ATRNL1: variants seen among roughly 807,000 people sequenced by gnomAD.
ATRNL1 encodes attractin-like protein 1.
Under a neutral mutation model 182.7 loss-of-function variants are expected in ATRNL1, and 95 were observed. That is an observed-to-expected ratio of 0.52 (90% confidence interval 0.44 to 0.62). The LOEUF (loss-of-function observed/expected upper bound fraction) is 0.62. Ranked by LOEUF, ATRNL1 falls within the 20% of genes least tolerant of loss-of-function variation. The pLI is 0.00. For synonymous variants in ATRNL1, 576 were observed against 568.3 expected, an observed-to-expected ratio of 1.01 and a Z score of -0.19; for missense variants, 1,471 against 1,679.5, an observed-to-expected ratio of 0.88 and a Z score of 2.17.
At chr10:115,207,111 C>T (rs1027357576) in intron 8 of ATRNL1, among the ~76,000 whole-genome samples, 1 of 152,120 alleles carries the variant, frequency 6.6e-6, no homozygotes, top group Admixed American at 6.6e-5. Context: ...GGGTTTGTTC[C>T]GAGTCTTTGC....
chr10:115,670,590 GA>G (rs1555041073), intron 26 of ATRNL1, among the ~76,000 whole-genome samples: 2 of 152,098 alleles, frequency 1.3e-5, no homozygotes, highest in Non-Finnish European at 2.9e-5. Context: ...CTTAACTACT[GA>G]GCAAGTAGTC....
intron 19 of ATRNL1, among the ~76,000 whole-genome samples, chr10:115,389,540 G>GTA (rs58155967): frequency 0.011 from 481 of 44,404 alleles, 69 homozygotes; most frequent in Non-Finnish European, 0.016. Flanking sequence ...ATGTGTATGT[G>GTA]TATATATATA....
chr10:115,093,827 G>A lies in ATRNL1; in HGVS notation c.77G>A (p.Gly26Asp). Residue 26 changes from glycine to aspartate, a missense_variant, in exon 1 of 29, where the codon GGC becomes GAC. Physicochemically the swap from Gly to Asp is moderately conservative, Grantham distance 94. Around this residue, in one of 3 missense-constraint regions of ATRNL1, gnomAD observed 1,031 missense variants for 1,156.0 expected, o/e 0.89. Coordinates refer to ENST00000355044, the MANE Select transcript of ATRNL1 (RefSeq NM_207303.4). The surrounding 1 kb of genome is among the most constrained non-coding windows in gnomAD (Gnocchi z 6.1). The stretch of plus-strand genomic sequence containing the variant: ...GGGGTGTGGAGGGCTCGGCCGGCGG[G>A]CGGCGGCGGCGGGGGCGCCTCCTCC... ...APGVWRARPA[G>D]GGGGGASSWL... is the part of the protein sequence containing the mutation. The A allele has an allele frequency of 6.7e-7, 1 of 1,486,410 alleles. No individual in the cohort carries two copies. Among genetic ancestry groups the A allele is most frequent in the Non-Finnish European group, 8.9e-7 (1 of 1,119,482 alleles). The allele number at this position is 1,486,410 out of a possible 1,614,324, so 92.1% of individuals were successfully genotyped here.
At chr10:115,368,369 G>A (rs1169956550) in intron 19 of ATRNL1, among the ~76,000 whole-genome samples, 12 of 152,188 alleles carry the variant, frequency 7.9e-5, no homozygotes, top group Non-Finnish European at 1.3e-4. Flanking sequence ...GCAAAGCCTC[G>A]CCCTGCTTCG....
intron 26 of ATRNL1, among the ~76,000 whole-genome samples, chr10:115,672,740 T>C (rs1365099417): frequency 6.6e-6 from 1 of 152,142 alleles, no homozygotes; most frequent in African/African-American, 2.4e-5. Context: ...AGTTGTTACA[T>C]TGGCCAATTT....
chr10:115,704,363 G>C (rs896778336), intron 26 of ATRNL1, among the ~76,000 whole-genome samples: 6 of 151,750 alleles, frequency 4.0e-5, no homozygotes, highest in Non-Finnish European at 5.9e-5. Flanking sequence ...TTGAATTAGG[G>C]GGCCCACCCC....
chr10:115,590,876 T>G (rs578067038), intron 26 of ATRNL1, among the ~76,000 whole-genome samples: 1 of 152,292 alleles, frequency 6.6e-6, no homozygotes, highest in South Asian at 2.1e-4. Context: ...CCTCTTCCTG[T>G]GTGAGTGGCA....
intron 26 of ATRNL1, among the ~76,000 whole-genome samples, chr10:115,691,631 A>G (rs760032723): frequency 1.2e-4 from 18 of 152,148 alleles, no homozygotes; most frequent in Admixed American, 4.6e-4. Context: ...CTGAGTTGAG[A>G]GGATGGCTTG....
chr10:115,159,987 T>C, intron 5 of ATRNL1, 53 bp from the exon 6 acceptor site: 5 of 1,348,208 alleles, frequency 3.7e-6, no homozygotes, highest in Non-Finnish European at 5.0e-6. Context: ...TGTATTTCTA[T>C]AATCTGAGGG....
In ATRNL1 at chr10:115,530,883, G is replaced by GT. The variant is rs1286454317; in HGVS notation, c.3716+11565dup. 6.7e-5 allele frequency among the ~76,000 whole-genome samples: 10 copies of GT among 149,088 alleles called. 1 individual carries two copies. The highest frequency in any genetic ancestry group is 2.0e-4 in the African/African-American group (8 of 40,332). ...TATGAGTGAGAACATGTGGTGTTTG[G>GT]TTTTTTGTCCTTGCGATAGTTTACT... On this transcript the variant is annotated intron_variant, in intron 25 of 28. Coordinates refer to ENST00000355044, the MANE Select transcript of ATRNL1 (RefSeq NM_207303.4).
intron 26 of ATRNL1, among the ~76,000 whole-genome samples, chr10:115,724,498 C>A (rs782240075): frequency 6.6e-6 from 1 of 152,120 alleles, no homozygotes; most frequent in Non-Finnish European, 1.5e-5. Context: ...CTGTGTGGAA[C>A]AGCCCAAGTG....
intron 9 of ATRNL1, among the ~76,000 whole-genome samples, chr10:115,236,629 A>G (rs78796618): frequency 0.035 from 5,276 of 152,256 alleles, 304 homozygotes; most frequent in African/African-American, 0.12. Flanking sequence ...TTATGGAGAA[A>G]TGAGCAGAAA....
At chr10:115,299,459 A>G (rs1278875136) in intron 15 of ATRNL1, among the ~76,000 whole-genome samples, 1 of 152,096 alleles carries the variant, frequency 6.6e-6, no homozygotes, top group African/African-American at 2.4e-5. Context: ...AATTTATCCA[A>G]AAATCATATA....
chr10:115,256,604 G>T (rs562477281), intron 10 of ATRNL1, among the ~76,000 whole-genome samples: 179 of 152,094 alleles, frequency 1.2e-3, no homozygotes, highest in African/African-American at 4.0e-3. Context: ...GATTCATTGA[G>T]TTTTTGAAGG....
rs182743515 is a variant in ATRNL1, at chr10:115,504,010, C to A, written c.3655-15253C>A. On this transcript the variant is annotated intron_variant, in intron 24 of 28. Coordinates refer to ENST00000355044, the MANE Select transcript of ATRNL1 (RefSeq NM_207303.4). ...TGTTCACCTTTTCAAAAAGGACACA[C>A]TTTTTTTCAAGAAAGAATGTTTTTA... is the stretch of plus-strand genomic sequence containing the variant. Among the ~76,000 whole-genome samples, 93 of 151,806 alleles carry A rather than the reference C, an allele frequency of 6.1e-4. 2 individuals carry two copies. Among genetic ancestry groups the A allele is most frequent in the Admixed American group, 2.2e-3 (33 of 15,226 alleles).
intron 27 of ATRNL1, among the ~76,000 whole-genome samples, chr10:115,770,507 T>C (rs184766919): frequency 6.6e-6 from 1 of 152,248 alleles, no homozygotes; most frequent in East Asian, 1.9e-4. Flanking sequence ...AATATCTGTC[T>C]TCCTCAAGGC....
chr10:115,599,868 T>G (rs1331065435), intron 26 of ATRNL1, among the ~76,000 whole-genome samples: 6 of 152,160 alleles, frequency 3.9e-5, no homozygotes, highest in Non-Finnish European at 8.8e-5. Context: ...ATTTTAACTG[T>G]ACAGCTTAAT....
At chr10:115,109,513 G>T (rs879998439) in intron 1 of ATRNL1, among the ~76,000 whole-genome samples, 2 of 152,250 alleles carry the variant, frequency 1.3e-5, no homozygotes, top group Admixed American at 1.3e-4. Flanking sequence ...TGCAATAACA[G>T]CATTAATCCA....
At chr10:115,525,378 G>A (rs782013796) in intron 25 of ATRNL1, among the ~76,000 whole-genome samples, 16 of 152,226 alleles carry the variant, frequency 1.1e-4, no homozygotes, top group Admixed American at 2.6e-4. Flanking sequence ...GACACCTGTC[G>A]TCTATTACAT....
Sources: gnomAD v4.1 joint callset for allele counts (sites outside exome capture counted in the v4.1 genomes callset) on GRCh38, gnomAD v4.1.1 for gene constraint, gnomAD v4.1.1 regional missense constraint, Gnocchi (gnomAD v3.1) non-coding constraint, MANE v1.5 for transcripts, NCBI Gene and HGNC (gene_info 2026-07-23, HGNC 2026-07-21) for gene names.